Variants in CACNA1B observed in about 807,000 individuals in gnomAD.
The protein encoded by CACNA1B is voltage-dependent N-type calcium channel subunit alpha-1B.
CACNA1B carries 70 observed loss-of-function variants against 247.2 expected under a neutral mutation model. That is an observed-to-expected ratio of 0.28 (90% CI 0.23 to 0.35). CACNA1B has a LOEUF of 0.35. Ranked by LOEUF, CACNA1B falls within the 10% of genes least tolerant of loss-of-function variation. CACNA1B has a pLI of 1.00. For synonymous variants in CACNA1B, 1,231 were observed against 1,294.4 expected (o/e 0.95, Z 1.05); for missense variants, 2,367 against 3,197.4 (o/e 0.74, Z 6.26).
chr9:138,074,823 G>C (rs1354717731), intron 34 of CACNA1B, among the ~76,000 whole-genome samples: 5 of 152,228 alleles, frequency 3.3e-5, no homozygotes, highest in African/African-American at 1.2e-4. Flanking sequence ...AGTGGCGGTC[G>C]GTTATCCTGT....
At chr9:137,916,776 T>C in intron 5 of CACNA1B, among the ~76,000 whole-genome samples, 1 of 151,924 alleles carries the variant, frequency 6.6e-6, no homozygotes, top group Non-Finnish European at 1.5e-5. Flanking sequence ...AGAGGAACGG[T>C]CCTCGTGGCA....
intron 6 of CACNA1B, among the ~76,000 whole-genome samples, chr9:137,926,907 T>A (rs1202398629): frequency 6.6e-6 from 1 of 152,226 alleles, no homozygotes; most frequent in Non-Finnish European, 1.5e-5. Context: ...TTGTTGAGTT[T>A]TAGGCATTCT....
intron 9 of CACNA1B, 147 bp downstream of exon 9, chr9:137,956,974 C>T (rs1957956548): frequency 1.5e-6 from 1 of 666,240 alleles, no homozygotes; most frequent in Admixed American, 2.4e-5. Context: ...CAGACTAGGG[C>T]CATGGTGTCT....
At chr9:137,923,226 G>A (rs1481306196) in intron 6 of CACNA1B, among the ~76,000 whole-genome samples, 4 of 150,330 alleles carry the variant, frequency 2.7e-5, no homozygotes, top group Non-Finnish European at 4.4e-5. Context: ...CGTGGTGCCA[G>A]GTGGTATTCC....
At position 137,913,199 on chromosome 9, in the gene CACNA1B, A is replaced by G; in HGVS notation, c.550A>G (p.Thr184Ala). ...TGCCAGGATCCTTGCCACGGCTGGA[A>G]CTGACTTCGACCTGCGAACACTGAG... ...VLTGILATAGTDFDLRTLRAV... is the reference protein window; with the variant it reads ...VLTGILATAGADFDLRTLRAV... The change falls in exon 4 of 47, where the codon ACT becomes GCT. Residue 184 changes from threonine (T) to alanine (A), a missense_variant. By Grantham distance (58) the Thr-to-Ala change is moderately conservative. Coordinates refer to ENST00000371372, the MANE Select transcript of CACNA1B (RefSeq NM_000718.4). The surrounding 1 kb of genome is among the most constrained non-coding windows in gnomAD (Gnocchi z 5.2). The G allele has an allele frequency of 1.9e-6, 3 of 1,613,880 alleles. No homozygotes were observed. Among genetic ancestry groups the G allele is most frequent in the Non-Finnish European group, 2.5e-6 (3 of 1,179,826 alleles).
rs1324321729 is a variant in CACNA1B at position 138,007,447 on chromosome 9, G to A, written c.2092+563G>A. Reference sequence around the variant, plus strand: ...ATGATAGGGACAGGGCTGTGGCCAAGGAAGATCTGGAGGGAGAACTACAGC... The same window carrying A: ...ATGATAGGGACAGGGCTGTGGCCAAAGAAGATCTGGAGGGAGAACTACAGC... On this transcript the variant is annotated intron_variant, in intron 16 of 46. Coordinates refer to ENST00000371372, the MANE Select transcript of CACNA1B (RefSeq NM_000718.4). This position sits in a 1 kb window ranked among gnomAD's most constrained non-coding sequence, Gnocchi z 4.1. Among the ~76,000 whole-genome samples the A allele has an allele frequency of 6.6e-6, 1 of 152,100 alleles. No homozygotes were observed. Among genetic ancestry groups the A allele is most frequent in the Admixed American group, 6.5e-5 (1 of 15,282 alleles).
chr9:138,016,823 C>A (rs1007937188), intron 18 of CACNA1B, among the ~76,000 whole-genome samples: 1 of 152,260 alleles, frequency 6.6e-6, no homozygotes, highest in Non-Finnish European at 1.5e-5. Flanking sequence ...GTCTTCCCAG[C>A]CGCACTGCCT....
chr9:138,005,566 A>G (rs912815715), intron 15 of CACNA1B, among the ~76,000 whole-genome samples: 1 of 152,246 alleles, frequency 6.6e-6, no homozygotes, highest in Non-Finnish European at 1.5e-5. Context: ...GACTATAACT[A>G]ACAACAATAT....
chr9:138,103,698 C>T (rs1475490807), intron 38 of CACNA1B, among the ~76,000 whole-genome samples: 12 of 152,238 alleles, frequency 7.9e-5, no homozygotes, highest in Admixed American at 4.6e-4. Flanking sequence ...CACTGCTCTC[C>T]GGCAAACGGC....
At chr9:137,886,081 C>CT (rs1313475579) in intron 3 of CACNA1B, among the ~76,000 whole-genome samples, 1 of 151,598 alleles carries the variant, frequency 6.6e-6, no homozygotes, top group Non-Finnish European at 1.5e-5. Context: ...CTCCTGGCGC[C>CT]TGGCCGTCTC....
intron 35 of CACNA1B, among the ~76,000 whole-genome samples, chr9:138,077,415 G>A (rs775011458): frequency 3.3e-5 from 5 of 152,226 alleles, no homozygotes; most frequent in South Asian, 4.1e-4. Flanking sequence ...AGCTGGAACC[G>A]AGATGGGGGT....
At chr9:137,982,173 C>T (rs902860701) in intron 12 of CACNA1B, among the ~76,000 whole-genome samples, 13 of 152,154 alleles carry the variant, frequency 8.5e-5, no homozygotes, top group African/African-American at 2.9e-4. Flanking sequence ...CTGGGTGCAC[C>T]TGGCTTGCAG....
In CACNA1B at chr9:138,121,043, C is replaced by T. The variant is rs1209901301; in HGVS notation, c.6489+162C>T. Among the ~76,000 whole-genome samples, 2 of 152,136 alleles carry T rather than the reference C, an allele frequency of 1.3e-5. No individual in the cohort carries two copies. The highest frequency in any genetic ancestry group is 2.9e-5 in the Non-Finnish European group (2 of 68,008). The stretch of plus-strand genomic sequence containing the variant: ...CCCCTCTGTGCCCTGTCCCGGAGCC[C>T]ACGTCTGCAGCCTACCCCAGCTGTG... On this transcript the variant is annotated intron_variant, in intron 46 of 46. Transcript: ENST00000371372. The surrounding 1 kb of genome is among the most constrained non-coding windows in gnomAD (Gnocchi z 6.8).
intron 45 of CACNA1B, 109 bp from the exon 46 acceptor site, chr9:138,120,522 C>A: frequency 7.2e-7 from 1 of 1,393,408 alleles, no homozygotes; most frequent in Non-Finnish European, 9.5e-7. Flanking sequence ...GGCCCTAACC[C>A]TCACCCTAGC....
chr9:137,960,378 T>TG (rs1958002978), intron 10 of CACNA1B, among the ~76,000 whole-genome samples: 1 of 56,128 alleles, frequency 1.8e-5, no homozygotes, highest in Non-Finnish European at 3.4e-5. Context: ...GGCGGTGGGG[T>TG]GTGGGGGAGG....
At chr9:137,893,255 T>G (rs1588986519) in intron 3 of CACNA1B, among the ~76,000 whole-genome samples, 1 of 146,274 alleles carries the variant, frequency 6.8e-6, no homozygotes, top group Non-Finnish European at 1.5e-5. Context: ...TTTTTAAAGC[T>G]GACTCTTTTG....
chr9:137,966,827 C>A (rs551442425), intron 10 of CACNA1B, among the ~76,000 whole-genome samples: 23 of 152,242 alleles, frequency 1.5e-4, no homozygotes, highest in Non-Finnish European at 2.8e-4. Flanking sequence ...CGTGAGCCAC[C>A]GCACCCAGCC....
chr9:138,087,268 C>G lies in CACNA1B; in HGVS notation c.5094+9010C>G, dbSNP rs1161062495. ...GGCATGGTGGTGGGTGCCTGTAATCCCAGGTACTCAGGAGGCTGAGGCAGG... is the reference window on the plus strand; with the variant it reads ...GGCATGGTGGTGGGTGCCTGTAATCGCAGGTACTCAGGAGGCTGAGGCAGG... On this transcript the variant is annotated intron_variant, in intron 36 of 46. Transcript: ENST00000371372. 6.7e-5 allele frequency among the ~76,000 whole-genome samples: 10 copies of G among 148,988 alleles called. 1 individual carries two copies. The highest frequency in any genetic ancestry group is 3.3e-4 in the Admixed American group (5 of 15,026).
intron 18 of CACNA1B, among the ~76,000 whole-genome samples, chr9:138,016,689 G>A (rs1958796689): frequency 6.6e-6 from 1 of 150,758 alleles, no homozygotes; most frequent in African/African-American, 2.4e-5. Context: ...CGCAGGGTGC[G>A]GGGGCACCCT....
Sources: allele counts gnomAD v4.1 joint callset (sites outside exome capture counted in the v4.1 genomes callset), GRCh38; gene constraint gnomAD v4.1.1; non-coding constraint Gnocchi (gnomAD v3.1); transcripts MANE v1.5; gene names NCBI Gene and HGNC (gene_info 2026-07-23, HGNC 2026-07-21).